Variants in SYT14 observed in about 807,000 individuals in gnomAD.
SYT14 encodes synaptotagmin-14.
A neutral mutation model predicts 74.2 loss-of-function variants in SYT14; 32 were observed. The ratio of observed to expected loss-of-function variants is 0.43; its 90% CI spans 0.33 to 0.58. The LOEUF is 0.58. Among genes scored for constraint, SYT14 ranks in the 20% least tolerant of loss-of-function variants. The pLI is 0.05. For synonymous variants in SYT14, 298 were observed against 337.7 expected (o/e 0.88, Z 1.29); for missense variants, 791 against 981.8 (o/e 0.81, Z 2.60).
chr1:210,053,115 G>C (rs1047837737), intron 5 of SYT14, among the ~76,000 whole-genome samples: 3 of 152,104 alleles, frequency 2.0e-5, no homozygotes, highest in Non-Finnish European at 2.9e-5. Context: ...TATCAATATA[G>C]ATCAACATTT....
chr1:209,979,334 G>T (rs184413891), intron 2 of SYT14, among the ~76,000 whole-genome samples: 9 of 152,236 alleles, frequency 5.9e-5, no homozygotes, highest in Admixed American at 5.2e-4. Flanking sequence ...TTCCTATTCG[G>T]CCATCTTGGC....
At chr1:210,162,540 TTTC>T (rs1199551164) in exon 10 of SYT14, 15 of 338,632 alleles carry the variant, frequency 4.4e-5, no homozygotes, top group Non-Finnish European at 6.8e-5. Context: ...TTAAAAATAG[TTTC>T]TTTTTTCTCC....
chr1:210,082,513 G>A (rs1466914587), intron 5 of SYT14, among the ~76,000 whole-genome samples: 1 of 152,192 alleles, frequency 6.6e-6, no homozygotes, highest in Non-Finnish European at 1.5e-5. Context: ...TAGTCATGAT[G>A]TATTCCCCGT....
At chr1:210,151,697 T>G (rs1320385701) in intron 7 of SYT14, among the ~76,000 whole-genome samples, 1 of 152,154 alleles carries the variant, frequency 6.6e-6, no homozygotes, top group Non-Finnish European at 1.5e-5. Flanking sequence ...AATGAACTCT[T>G]CTAGATAATA....
At chr1:210,167,794 C>T (rs186202314) in exon 10 of SYT14, 17 of 152,232 alleles carry the variant, frequency 1.1e-4, no homozygotes, top group African/African-American at 3.6e-4. Context: ...GCTCTTTTCT[C>T]TCCCTGTTTA....
chr1:209,961,301 G>A (rs1309863093), intron 2 of SYT14, among the ~76,000 whole-genome samples: 2 of 152,086 alleles, frequency 1.3e-5, no homozygotes, highest in African/African-American at 4.8e-5. Context: ...GGCTGGGATA[G>A]GTACAGATTT....
At chr1:210,007,784 A>G (rs149156385) in intron 2 of SYT14, among the ~76,000 whole-genome samples, 2 of 152,298 alleles carry the variant, frequency 1.3e-5, no homozygotes, top group African/African-American at 4.8e-5. Context: ...TCTGGATTCA[A>G]ATCCAGGTTC....
intron 5 of SYT14, among the ~76,000 whole-genome samples, chr1:210,030,251 C>T (rs2080502030): frequency 6.6e-6 from 1 of 152,030 alleles, no homozygotes; most frequent in South Asian, 2.1e-4. Flanking sequence ...AAGTGATTTT[C>T]CTTCCTCAGC....
chr1:209,955,344 T>C (rs917426193), intron 2 of SYT14, among the ~76,000 whole-genome samples: 2 of 152,204 alleles, frequency 1.3e-5, no homozygotes, highest in Non-Finnish European at 2.9e-5. Context: ...GTTTTCTCCA[T>C]CTCAGCTAAT....
At chr1:209,991,954 A>T (rs2079696685) in intron 2 of SYT14, among the ~76,000 whole-genome samples, 1 of 152,234 alleles carries the variant, frequency 6.6e-6, no homozygotes, top group Non-Finnish European at 1.5e-5. Flanking sequence ...AGATTTCTCA[A>T]ATAATTTAAA....
intron 5 of SYT14, among the ~76,000 whole-genome samples, chr1:210,079,616 A>T (rs761233897): frequency 1.3e-5 from 2 of 152,194 alleles, no homozygotes; most frequent in Non-Finnish European, 2.9e-5. Flanking sequence ...ACCTCAGCCC[A>T]TGAAGGAGTA....
intron 2 of SYT14, among the ~76,000 whole-genome samples, chr1:209,983,998 T>G (rs1179196763): frequency 6.6e-6 from 1 of 152,238 alleles, no homozygotes; most frequent in African/African-American, 2.4e-5. Flanking sequence ...GACAAGGACC[T>G]CTCAGAGGTT....
intron 5 of SYT14, among the ~76,000 whole-genome samples, chr1:210,027,856 T>A (rs2080447758): frequency 6.6e-6 from 1 of 152,180 alleles, no homozygotes; most frequent in Non-Finnish European, 1.5e-5. Context: ...TTATTTTATT[T>A]TTTACATCTA....
rs145262386 is a variant in SYT14, at chr1:209,939,464, A to T, written c.-534+1187A>T. ...TTAGCTGTGTGTTTACATGTAGCTTATTTATTTAAGAGAGGGAGTACCTAT... is the reference window on the plus strand; with the variant it reads ...TTAGCTGTGTGTTTACATGTAGCTTTTTTATTTAAGAGAGGGAGTACCTAT... On this transcript the variant is annotated intron_variant, in intron 1 of 9. Transcript: ENST00000637265. Among the ~76,000 whole-genome samples, 864 of 152,324 alleles carry T rather than the reference A, an allele frequency of 5.7e-3. 4 individuals are homozygous for T. Among genetic ancestry groups the T allele is most frequent in the African/African-American group, 0.019 (795 of 41,586 alleles).
intron 7 of SYT14, among the ~76,000 whole-genome samples, chr1:210,135,252 G>C (rs1408654680): frequency 6.6e-6 from 1 of 151,990 alleles, no homozygotes; most frequent in East Asian, 1.9e-4. Flanking sequence ...AAGATGCTGG[G>C]ATTACAGGCA....
exon 10 of SYT14, chr1:210,160,827 G>A: frequency 6.2e-7 from 1 of 1,613,922 alleles, no homozygotes. Context: ...AGTATATAAG[G>A]AAACTTTTGT....
chr1:209,971,721 C>T (rs1343949063), intron 2 of SYT14, among the ~76,000 whole-genome samples: 1 of 152,158 alleles, frequency 6.6e-6, no homozygotes, highest in South Asian at 2.1e-4. Flanking sequence ...AACCTTGCAT[C>T]CCAGGAATGA....
At chr1:210,039,131 G>C (rs1024879194) in intron 5 of SYT14, among the ~76,000 whole-genome samples, 7 of 151,830 alleles carry the variant, frequency 4.6e-5, no homozygotes, top group Admixed American at 3.9e-4. Flanking sequence ...TTGTCTGACT[G>C]GATTAATTCA....
chr1:210,077,767 T>C (rs1349839473), intron 5 of SYT14, among the ~76,000 whole-genome samples: 2 of 152,216 alleles, frequency 1.3e-5, no homozygotes, highest in African/African-American at 2.4e-5. Context: ...TATATTCTTA[T>C]CATAGATATT....
Sources: allele counts gnomAD v4.1 joint callset (sites outside exome capture counted in the v4.1 genomes callset), GRCh38; gene constraint gnomAD v4.1.1; transcripts MANE v1.5; gene names NCBI Gene and HGNC (gene_info 2026-07-23, HGNC 2026-07-21).